CSTPP1: variants seen among roughly 807,000 people sequenced by gnomAD.
CSTPP1 encodes centriolar satellite-associated tubulin polyglutamylase complex regulator 1.
the CSTPP1 span, among the ~76,000 whole-genome samples, chr11:46,939,569 T>A: frequency 2.0e-5 from 3 of 151,964 alleles, no homozygotes; most frequent in African/African-American, 7.3e-5. Flanking sequence ...GTAGGAGGAT[T>A]GCTTGAGGTC....
chr11:47,130,944 TA>T, the CSTPP1 span: 1 of 152,174 alleles, frequency 6.6e-6, no homozygotes, highest in Admixed American at 6.6e-5. Context: ...TCTGTGGTAG[TA>T]CTATTGAGAT....
At chr11:47,035,028 CCTTT>C in the CSTPP1 span, among the ~76,000 whole-genome samples, 14 of 152,276 alleles carry the variant, frequency 9.2e-5, no homozygotes, top group African/African-American at 3.1e-4. Flanking sequence ...GGGTCATATG[CCTTT>C]CTTATAGAAA....
chr11:47,164,262 C>CTTTTTTAATGATA, the CSTPP1 span: 1 of 1,609,644 alleles, frequency 6.2e-7, no homozygotes, highest in Non-Finnish European at 8.5e-7. Flanking sequence ...AGGCCAGGGG[C>CTTTTTTAATGATA]CGGCACTGGG....
chr11:47,149,450 C>T, the CSTPP1 span, among the ~76,000 whole-genome samples: 3 of 152,170 alleles, frequency 2.0e-5, no homozygotes, highest in South Asian at 2.1e-4. Context: ...GATTCTTTCC[C>T]GAGCCCTCTG....
chr11:46,984,406 ATC>A, the CSTPP1 span, among the ~76,000 whole-genome samples: 1 of 152,242 alleles, frequency 6.6e-6, no homozygotes, highest in Non-Finnish European at 1.5e-5. Context: ...ACAGTACTAT[ATC>A]TGTCACATTG....
At chr11:47,043,628 GA>G in the CSTPP1 span, among the ~76,000 whole-genome samples, 4 of 152,188 alleles carry the variant, frequency 2.6e-5, no homozygotes. Flanking sequence ...CTGATGTTGA[GA>G]AAGATAGTCA....
chr11:47,088,257 G>C, the CSTPP1 span, among the ~76,000 whole-genome samples: 1 of 152,314 alleles, frequency 6.6e-6, no homozygotes, highest in South Asian at 2.1e-4. Context: ...AAAGTACTCA[G>C]TACAGTGCCT....
At chr11:46,963,485 T>C in the CSTPP1 span, among the ~76,000 whole-genome samples, 1 of 152,084 alleles carries the variant, frequency 6.6e-6, no homozygotes, top group Non-Finnish European at 1.5e-5. Flanking sequence ...TTTAAGCTGA[T>C]ACATTTAACT....
chr11:46,988,495 G>T, the CSTPP1 span, among the ~76,000 whole-genome samples: 7 of 152,176 alleles, frequency 4.6e-5, no homozygotes, highest in Non-Finnish European at 8.8e-5. Flanking sequence ...TCACTTGTTT[G>T]TGGGATGTAA....
chr11:47,153,966 G>T, the CSTPP1 span, among the ~76,000 whole-genome samples: 1 of 151,734 alleles, frequency 6.6e-6, no homozygotes, highest in African/African-American at 2.4e-5. Context: ...TTTTGACAGG[G>T]TCTCTCTCTG....
chr11:47,060,105 A>G, the CSTPP1 span, among the ~76,000 whole-genome samples: 6 of 65,004 alleles, frequency 9.2e-5, no homozygotes, highest in Admixed American at 6.1e-4. Flanking sequence ...CTCTGTCTCG[A>G]AAAAAAAAAA....
the CSTPP1 span, chr11:46,936,974 A>T: frequency 3.5e-6 from 4 of 1,155,486 alleles, no homozygotes; most frequent in Non-Finnish European, 4.6e-6. Flanking sequence ...AGGGGCGGAG[A>T]GGCGGGGGTT....
the CSTPP1 span, among the ~76,000 whole-genome samples, chr11:47,128,882 C>G: frequency 1.3e-5 from 2 of 151,968 alleles, no homozygotes; most frequent in African/African-American, 2.4e-5. Context: ...TAAACTTTTG[C>G]CCCCCTAAAA....
chr11:47,144,053 C>A, the CSTPP1 span, among the ~76,000 whole-genome samples: 103 of 152,194 alleles, frequency 6.8e-4, no homozygotes, highest in Non-Finnish European at 1.2e-3. Flanking sequence ...TATCTCTTAA[C>A]TTCTCTGAGC....
At chr11:47,048,553 A>G in the CSTPP1 span, among the ~76,000 whole-genome samples, 1 of 152,042 alleles carries the variant, frequency 6.6e-6, no homozygotes, top group African/African-American at 2.4e-5. Flanking sequence ...CCTTGAAGAC[A>G]TTATTCTTAG....
the CSTPP1 span, among the ~76,000 whole-genome samples, chr11:47,042,345 GTT>G: frequency 2.9e-3 from 380 of 131,872 alleles, no homozygotes; most frequent in African/African-American, 5.6e-3. Flanking sequence ...TTTGACTTCT[GTT>G]TTTTTTTTTT....
the CSTPP1 span, among the ~76,000 whole-genome samples, chr11:46,958,873 C>T: frequency 6.6e-6 from 1 of 152,202 alleles, no homozygotes; most frequent in Non-Finnish European, 1.5e-5. Flanking sequence ...CCTTTCCCCT[C>T]TGCCTTTTGT....
chr11:47,139,647 G>A, the CSTPP1 span, among the ~76,000 whole-genome samples: 1 of 151,412 alleles, frequency 6.6e-6, no homozygotes, highest in Admixed American at 6.6e-5. Flanking sequence ...ACTCCAGCAT[G>A]GGGGACAGAG....
chr11:46,940,547 A>C, the CSTPP1 span, among the ~76,000 whole-genome samples: 1 of 152,324 alleles, frequency 6.6e-6, no homozygotes, highest in African/African-American at 2.4e-5. Context: ...AATCTAAGTG[A>C]CAGATAGTCT....
Sources: allele counts gnomAD v4.1 joint callset (sites outside exome capture counted in the v4.1 genomes callset), GRCh38; gene constraint gnomAD v4.1.1; transcripts MANE v1.5; gene names NCBI Gene and HGNC (gene_info 2026-07-23, HGNC 2026-07-21).